Variants in CAMK1D observed in about 807,000 individuals in gnomAD.
CAMK1D encodes the protein calcium/calmodulin dependent protein kinase ID.
In CAMK1D, 9 loss-of-function variants were observed where a neutral mutation model predicts 47.7. The observed-to-expected ratio is 0.19, with a 90% CI of 0.11 to 0.33. The LOEUF is 0.33. Ranked by LOEUF, CAMK1D falls within the 10% of genes least tolerant of loss-of-function variation. The pLI, the probability that CAMK1D is intolerant of heterozygous loss-of-function variation, is 1.00. For synonymous variants in CAMK1D, 184 were observed against 184.9 expected, an observed-to-expected ratio of 0.99 and a Z score of 0.04; for missense variants, 291 against 488.7, an observed-to-expected ratio of 0.60 and a Z score of 3.81.
rs371489435 is a variant in CAMK1D at position 12,690,388 on chromosome 10, CAG to C, written c.299+23580_299+23581del. 5.6e-3 allele frequency among the ~76,000 whole-genome samples: 849 copies of C among 152,230 alleles called. 9 individuals are homozygous for C. Among genetic ancestry groups the C allele is most frequent in the Non-Finnish European group, 9.8e-3 (669 of 68,020 alleles). The stretch of plus-strand genomic sequence containing the variant: ...GAGAGACGCAGCCTCCAGTGTAAAA[CAG>C]AAGCACAGCCTGTAGAAGGGAGGGC... On this transcript the variant is annotated intron_variant, in intron 3 of 10. Coordinates refer to ENST00000619168, the MANE Select transcript of CAMK1D (RefSeq NM_153498.4).
intron 2 of CAMK1D, among the ~76,000 whole-genome samples, chr10:12,651,114 C>A (rs1429225874): frequency 1.3e-5 from 2 of 152,156 alleles, no homozygotes; most frequent in Admixed American, 6.5e-5. Context: ...TTTCTTTACC[C>A]CTCCACTGTT....
intron 3 of CAMK1D, among the ~76,000 whole-genome samples, chr10:12,705,632 T>C (rs760035359): frequency 2.4e-4 from 37 of 152,176 alleles, no homozygotes; most frequent in Non-Finnish European, 4.7e-4. Flanking sequence ...TATGGCTCCA[T>C]GTAGACAATC....
At chr10:12,710,136 T>C (rs1175134053) in intron 3 of CAMK1D, among the ~76,000 whole-genome samples, 1 of 152,252 alleles carries the variant, frequency 6.6e-6, no homozygotes, top group Non-Finnish European at 1.5e-5. Context: ...TAGAGCAGTA[T>C]ATCATCTTTC....
At chr10:12,822,032 C>T (rs190001344) in intron 8 of CAMK1D, among the ~76,000 whole-genome samples, 4 of 152,248 alleles carry the variant, frequency 2.6e-5, no homozygotes, top group African/African-American at 9.6e-5. Context: ...TCACCCATAG[C>T]GTTGCCTAAG....
At chr10:12,542,122 T>A (rs1836215284) in intron 1 of CAMK1D, among the ~76,000 whole-genome samples, 1 of 151,550 alleles carries the variant, frequency 6.6e-6, no homozygotes, top group African/African-American at 2.4e-5. Flanking sequence ...TAAGTGATCC[T>A]CCTGCCTTGG....
At chr10:12,376,920 C>CA (rs2131866345) in intron 1 of CAMK1D, among the ~76,000 whole-genome samples, 1 of 151,872 alleles carries the variant, frequency 6.6e-6, no homozygotes, top group Non-Finnish European at 1.5e-5. Flanking sequence ...GCCACCACGC[C>CA]CTGCTAATTT....
At chr10:12,459,273 C>CT (rs1833354729) in intron 1 of CAMK1D, among the ~76,000 whole-genome samples, 1 of 152,132 alleles carries the variant, frequency 6.6e-6, no homozygotes, top group African/African-American at 2.4e-5. Flanking sequence ...CAGCCCACTA[C>CT]TGTGTTGGTG....
At chr10:12,482,620 GT>G (rs939771178) in intron 1 of CAMK1D, among the ~76,000 whole-genome samples, 3 of 152,124 alleles carry the variant, frequency 2.0e-5, no homozygotes, top group African/African-American at 7.2e-5. Context: ...GTGCTAATGG[GT>G]TTTTTCCCCC....
intron 2 of CAMK1D, among the ~76,000 whole-genome samples, chr10:12,618,148 T>A (rs1056840277): frequency 6.6e-6 from 1 of 152,204 alleles, no homozygotes; most frequent in Non-Finnish European, 1.5e-5. Context: ...TGTGTCTCTC[T>A]CTCCTCTTCA....
chr10:12,411,605 T>C (rs1178918105), intron 1 of CAMK1D, among the ~76,000 whole-genome samples: 1 of 151,862 alleles, frequency 6.6e-6, no homozygotes, highest in Non-Finnish European at 1.5e-5. Context: ...TGGCTTCTTT[T>C]TTTTTTTTTT....
chr10:12,619,893 C>G (rs1006012034), intron 2 of CAMK1D, among the ~76,000 whole-genome samples: 1 of 152,104 alleles, frequency 6.6e-6, no homozygotes, highest in Non-Finnish European at 1.5e-5. Context: ...AGTCTCTTCC[C>G]CATTTCTATG....
intron 2 of CAMK1D, among the ~76,000 whole-genome samples, chr10:12,591,779 C>T (rs186021181): frequency 1.4e-3 from 214 of 152,308 alleles, no homozygotes; most frequent in Admixed American, 2.8e-3. Context: ...CTGCAACCTC[C>T]GCCTCCTGGG....
chr10:12,576,958 C>A (rs1323001784), intron 2 of CAMK1D, among the ~76,000 whole-genome samples: 2 of 152,176 alleles, frequency 1.3e-5, no homozygotes, highest in Non-Finnish European at 2.9e-5. Flanking sequence ...GCGAGTGACA[C>A]AGAGCCCCAA....
chr10:12,680,205 A>T (rs1209447587), intron 3 of CAMK1D, among the ~76,000 whole-genome samples: 4 of 152,124 alleles, frequency 2.6e-5, no homozygotes, highest in African/African-American at 9.7e-5. Context: ...TTTGGGGGAG[A>T]TCTTGCAGAG....
chr10:12,717,214 T>C (rs983317079), intron 3 of CAMK1D, among the ~76,000 whole-genome samples: 1 of 152,218 alleles, frequency 6.6e-6, no homozygotes, highest in Non-Finnish European at 1.5e-5. Context: ...TTTTGGTACA[T>C]GTTTATAGCC....
chr10:12,563,443 A>G (rs1392789534), intron 2 of CAMK1D, among the ~76,000 whole-genome samples: 2 of 152,160 alleles, frequency 1.3e-5, no homozygotes, highest in Admixed American at 1.3e-4. Context: ...ACCCGCTTAC[A>G]CGGGTGAGGA....
intron 1 of CAMK1D, among the ~76,000 whole-genome samples, chr10:12,448,810 T>C (rs1832996745): frequency 6.6e-6 from 1 of 152,218 alleles, no homozygotes; most frequent in Admixed American, 6.5e-5. Context: ...GAAATGTGAC[T>C]ATCCGGAAAT....
At chr10:12,486,900 T>C (rs1834235238) in intron 1 of CAMK1D, among the ~76,000 whole-genome samples, 1 of 152,088 alleles carries the variant, frequency 6.6e-6, no homozygotes, top group Non-Finnish European at 1.5e-5. Context: ...ATCGCACCAC[T>C]ACACCCCAGC....
intron 1 of CAMK1D, among the ~76,000 whole-genome samples, chr10:12,542,056 T>C (rs1204004418): frequency 6.6e-6 from 1 of 151,972 alleles, no homozygotes. Flanking sequence ...TGAATTTTTT[T>C]CTGGTAGAGA....
Sources: allele counts gnomAD v4.1 joint callset (sites outside exome capture counted in the v4.1 genomes callset), GRCh38; gene constraint gnomAD v4.1.1; transcripts MANE v1.5; gene names NCBI Gene and HGNC (gene_info 2026-07-23, HGNC 2026-07-21).